Variants in CBX6 observed in about 807,000 individuals in gnomAD.
The protein encoded by CBX6 is chromobox 6, also known as chromobox protein homolog 6.
CBX6 carries 7 observed loss-of-function variants against 28.4 expected under a neutral mutation model. The observed-to-expected ratio is 0.25, with a 90% CI of 0.14 to 0.46. The LOEUF is 0.46. Among genes scored for constraint, CBX6 ranks in the 20% least tolerant of loss-of-function variants. The pLI, the probability that CBX6 is intolerant of heterozygous loss-of-function variation, is 0.99. For missense variants in CBX6, 512 were observed against 606.1 expected (o/e 0.84, Z 1.63); for synonymous variants, 297 against 273.4 (o/e 1.09, Z -0.85).
Position 38,871,551 on chromosome 22 carries a change from G to T in CBX6, c.180-5C>A. The T allele has an allele frequency of 6.2e-7, 1 of 1,613,718 alleles. No individual in the cohort carries two copies. Among genetic ancestry groups the T allele is most frequent in the Non-Finnish European group, 8.5e-7 (1 of 1,179,844 alleles). ...TACAGCTCACGCTCCCTCTCCCTGC[G>T]GCCGAAAAACACCAGAGGTTAAAAA... On this transcript the variant is annotated splice_region_variant and splice_polypyrimidine_tract_variant and intron_variant, in intron 3 of 4. Transcript: ENST00000407418. This position sits in a 1 kb window ranked among gnomAD's most constrained non-coding sequence, Gnocchi z 5.6.
At chr22:38,867,289 G>A in intron 4 of CBX6, 88 bp from the exon 5 acceptor site, 1 of 1,173,780 alleles carries the variant, frequency 8.5e-7, no homozygotes, top group Non-Finnish European at 1.2e-6. Flanking sequence ...CCTAAGTAGA[G>A]CCTCTCAGCC....
rs1272685679 is a variant in CBX6 at position 38,866,288 on chromosome 22, T to C, written c.1160A>G (p.Asn387Ser). The C allele has an allele frequency of 6.2e-7, 1 of 1,613,740 alleles. No homozygotes were observed. The highest frequency in any genetic ancestry group is 8.5e-7 in the Non-Finnish European group (1 of 1,179,980). The change falls in exon 5 of 5, where the codon AAC becomes AGC. Residue 387 changes from asparagine to serine, a missense_variant. By Grantham distance (46) the Asn-to-Ser change is conservative. Transcript: ENST00000407418. This position sits in a 1 kb window ranked among gnomAD's most constrained non-coding sequence, Gnocchi z 7.5. ...AGCCACCTTCTCGAAATCCTCAGGG[T>C]TGCAGAATTCCTTGATTGTGACCGT... is the stretch of plus-strand genomic sequence containing the variant. ...LLTVTIKEFCNPEDFEKVAAG... is the reference protein window; with the variant it reads ...LLTVTIKEFCSPEDFEKVAAG...
At position 38,862,518 on chromosome 22, in the gene CBX6, C is replaced by CAAAAAAAAAAAAAAAAAGAAAAAAAA. The variant is rs2093159472; in HGVS notation, c.*3690_*3691insTTTTTTTTCTTTTTTTTTTTTTTTTT. On this transcript the variant is annotated 3_prime_UTR_variant, in exon 5 of 5. Transcript: ENST00000407418. ...TCCACTGTCCTGTGTGGGCGAAGTG[C>CAAAAAAAAAAAAAAAAAGAAAAAAAA]AAAAAAAAAAAAAAAAAAAAAAAAA... is the stretch of plus-strand genomic sequence containing the variant. 1 of 27,418 alleles carries CAAAAAAAAAAAAAAAAAGAAAAAAAA rather than the reference C, an allele frequency of 3.6e-5. No homozygotes were observed. Among genetic ancestry groups the CAAAAAAAAAAAAAAAAAGAAAAAAAA allele is most frequent in the African/African-American group, 1.8e-4 (1 of 5,464 alleles). The allele number at this position is 27,418 out of a possible 1,614,324, so 1.7% of individuals were successfully genotyped here. A position where few individuals can be genotyped will look rare whatever the true frequency, so the allele number is the denominator to read the frequency against.
chr22:38,867,322 A>G (rs1051276348), intron 4 of CBX6, 121 bp from the exon 5 acceptor site: 14 of 865,418 alleles, frequency 1.6e-5, no homozygotes, highest in East Asian at 2.7e-5. Flanking sequence ...ATCATTTAAG[A>G]TAATCACTGG....
rs763223198 is a variant in CBX6 at position 38,866,631 on chromosome 22, A to T, written c.817T>A (p.Ser273Thr). ...GGCGAGGGGCAGCCGGAGGAGCCAG[A>T]GCTGCGGGCGTCGTAGGGGGCGGCG... ...APAAPYDARS[S>T]GSSGCPSPTP... Residue 273 changes from serine to threonine, a missense_variant, in exon 5 of 5, where the codon TCT becomes ACT. Around this residue, in one of 7 missense-constraint regions of CBX6, gnomAD observed 290 missense variants for 274.1 expected, o/e 1.06. Transcript: ENST00000407418. This position sits in a 1 kb window ranked among gnomAD's most constrained non-coding sequence, Gnocchi z 7.5. 1 of 1,496,410 alleles carries T rather than the reference A, an allele frequency of 6.7e-7. No individual in the cohort carries two copies. The highest frequency in any genetic ancestry group is 2.0e-5 in the Admixed American group (1 of 48,988). 92.7% of individuals were successfully genotyped at this position (1,496,410 alleles called of 1,614,324 possible).
intron 4 of CBX6, 27 bp from the exon 5 acceptor site, chr22:38,867,228 G>GGTGGGGGGGGGGGGC: frequency 1.5e-5 from 8 of 518,796 alleles, no homozygotes; most frequent in East Asian, 1.5e-4. Flanking sequence ...GGGTGGGTGG[G>GGTGGGGGGGGGGGGC]ACCTCAGGAC....
intron 4 of CBX6, among the ~76,000 whole-genome samples, chr22:38,868,817 G>A (rs2093176143): frequency 6.6e-6 from 1 of 152,166 alleles, no homozygotes; most frequent in African/African-American, 2.4e-5. Context: ...CTAGTACCTG[G>A]AGGTAGCCCA....
chr22:38,868,572 G>A (rs1035444084), intron 4 of CBX6, among the ~76,000 whole-genome samples: 3 of 152,228 alleles, frequency 2.0e-5, no homozygotes, highest in Non-Finnish European at 2.9e-5. Context: ...AGGACTGAAA[G>A]CAAGGGCTGG....
In CBX6 at chr22:38,871,331, G is replaced by A; in HGVS notation, c.246+149C>T. ...CCTGCCATCAGGGGCTTCTGGGGGGGCTCACAACCACCCCCTGCCCAGCTG... is the reference window on the plus strand; with the variant it reads ...CCTGCCATCAGGGGCTTCTGGGGGGACTCACAACCACCCCCTGCCCAGCTG... On this transcript the variant is annotated intron_variant, in intron 4 of 4. Coordinates refer to ENST00000407418, the MANE Select transcript of CBX6 (RefSeq NM_014292.5). This position sits in a 1 kb window ranked among gnomAD's most constrained non-coding sequence, Gnocchi z 5.6. 2 of 713,260 alleles carry A rather than the reference G, an allele frequency of 2.8e-6. No homozygotes were observed. The highest frequency in any genetic ancestry group is 2.5e-5 in the Admixed American group (1 of 40,154). 44.2% of individuals were successfully genotyped at this position (713,260 alleles called of 1,614,324 possible). A position where few individuals can be genotyped will look rare whatever the true frequency, so the allele number is the denominator to read the frequency against.
chr22:38,866,881 GC>G lies in CBX6; in HGVS notation c.566del (p.Gly189AlafsTer21). ...KVIDKGAGGG[G>X]AGQGAGALAR... ...CCAGCGCCCCGGCCCCCTGCCCGGCGCCCCCGCCGCCAGCGCCCTTGTCGAT... is the reference window on the plus strand; with the variant it reads ...CCAGCGCCCCGGCCCCCTGCCCGGCGCCCCGCCGCCAGCGCCCTTGTCGAT... On this transcript the variant is annotated frameshift_variant, in exon 5 of 5. Coordinates refer to ENST00000407418, the MANE Select transcript of CBX6 (RefSeq NM_014292.5). LOFTEE classifies it high-confidence loss of function. The surrounding 1 kb of genome is among the most constrained non-coding windows in gnomAD (Gnocchi z 7.5). The G allele has an allele frequency of 6.3e-7, 1 of 1,596,874 alleles. No individual in the cohort carries two copies.
chr22:38,871,597 C>T lies in CBX6; in HGVS notation c.180-51G>A. 1 of 1,612,608 alleles carries T rather than the reference C, an allele frequency of 6.2e-7. No individual in the cohort carries two copies. The highest frequency in any genetic ancestry group is 8.5e-7 in the Non-Finnish European group (1 of 1,179,016). On this transcript the variant is annotated intron_variant, in intron 3 of 4. Coordinates refer to ENST00000407418, the MANE Select transcript of CBX6 (RefSeq NM_014292.5). This position sits in a 1 kb window ranked among gnomAD's most constrained non-coding sequence, Gnocchi z 5.6. ...AAAAAGAGCCCCTTCCCGGGCCCCA[C>T]TCCGCGCTGCCCTCCCCGGCTCTCC...
Position 38,867,176 on chromosome 22 carries a change from C to G in CBX6, c.272G>C (p.Arg91Pro). ...LKARAQAEAL[R>P]ISDVHFSVKP... ...GACAGAGAAATGCACATCACTGATG[C>G]GGAGGGCCTCGGCCTGGGCCCGCGC... Residue 91 changes from arginine to proline, a missense_variant, in exon 5 of 5, where the codon CGC (arginine) becomes CCC (proline). This residue lies in a region of CBX6 where 123 missense variants were observed against 138.1 expected (regional missense o/e 0.89). Coordinates refer to ENST00000407418, the MANE Select transcript of CBX6 (RefSeq NM_014292.5). 5 of 1,215,434 alleles carry G rather than the reference C, an allele frequency of 4.1e-6. No homozygotes were observed. Among genetic ancestry groups the G allele is most frequent in the South Asian group, 1.3e-5 (1 of 79,084 alleles). The allele number at this position is 1,215,434 out of a possible 1,614,324, so 75.3% of individuals were successfully genotyped here.
chr22:38,865,981 A>G lies in CBX6; in HGVS notation c.*228T>C. 1 of 570,506 alleles carries G rather than the reference A, an allele frequency of 1.8e-6. No individual in the cohort carries two copies. The highest frequency in any genetic ancestry group is 3.1e-6 in the Non-Finnish European group (1 of 322,310). The allele number at this position is 570,506 out of a possible 1,614,324, so 35.3% of individuals were successfully genotyped here. ...CTTTCCAGAAACCACCCAGTGGGCTACCATGCATGGGCAGGGGGTGTGCCC... is the reference window on the plus strand; with the variant it reads ...CTTTCCAGAAACCACCCAGTGGGCTGCCATGCATGGGCAGGGGGTGTGCCC... On this transcript the variant is annotated 3_prime_UTR_variant, in exon 5 of 5. Coordinates refer to ENST00000407418, the MANE Select transcript of CBX6 (RefSeq NM_014292.5).
rs2093178862 is a variant in CBX6 at position 38,870,125 on chromosome 22, T to G, written c.246+1355A>C. ...TCTGCCTTCCCCCTTTAACCTGACA[T>G]GGACTACTCAAGGCACAAGATGAAG... On this transcript the variant is annotated intron_variant, in intron 4 of 4. Coordinates refer to ENST00000407418, the MANE Select transcript of CBX6 (RefSeq NM_014292.5). The surrounding 1 kb of genome is among the most constrained non-coding windows in gnomAD (Gnocchi z 4.3). The G allele has an allele frequency of 6.6e-6, 1 of 152,176 alleles. No homozygotes were observed. Among genetic ancestry groups the G allele is most frequent in the Admixed American group, 6.5e-5 (1 of 15,280 alleles). 9.4% of individuals were successfully genotyped at this position (152,176 alleles called of 1,614,324 possible).
Position 38,872,169 on chromosome 22 carries a change from C to A in CBX6, c.22G>T (p.Glu8Ter). Reference protein sequence around the residue: MELSAVGERVFAAESIIK... With the variant: MELSAVG ...ATGGATTCGGCCGCGAAGACCCGCTCGCCCACTGCAGACAGCTCCATCTTG... is the reference window on the plus strand; with the variant it reads ...ATGGATTCGGCCGCGAAGACCCGCTAGCCCACTGCAGACAGCTCCATCTTG... Residue 8 changes from glutamate to a stop codon, truncating the protein, a stop_gained, in exon 1 of 5, where the codon GAG (glutamate) becomes TAG (stop). Transcript: ENST00000407418. LOFTEE classifies it high-confidence loss of function. This position sits in a 1 kb window ranked among gnomAD's most constrained non-coding sequence, Gnocchi z 5.0. The A allele has an allele frequency of 7.1e-7, 1 of 1,418,026 alleles. No homozygotes were observed. The allele number at this position is 1,418,026 out of a possible 1,614,324, so 87.8% of individuals were successfully genotyped here.
Position 38,866,644 on chromosome 22 carries a change from G to A in CBX6, c.804C>T (p.Tyr268=), listed in dbSNP as rs997852335. Residue 268 remains tyrosine, a synonymous_variant, in exon 5 of 5, where the codon TAC becomes TAT. Transcript: ENST00000407418. This position sits in a 1 kb window ranked among gnomAD's most constrained non-coding sequence, Gnocchi z 7.5. The stretch of plus-strand genomic sequence containing the variant: ...CGGAGGAGCCAGAGCTGCGGGCGTC[G>A]TAGGGGGCGGCGGGGGCGGCCAGAA... ...GLLLAAPAAP[Y]DARSSGSSGC... 2.6e-6 allele frequency: 4 copies of A among 1,529,116 alleles called. No homozygotes were observed. The highest frequency in any genetic ancestry group is 3.5e-6 in the Non-Finnish European group (4 of 1,143,102). The allele number at this position is 1,529,116 out of a possible 1,614,324, so 94.7% of individuals were successfully genotyped here. A position where few individuals can be genotyped will look rare whatever the true frequency, so the allele number is the denominator to read the frequency against.
At position 38,866,633 on chromosome 22, in the gene CBX6, C is replaced by G. The variant is rs1196516569; in HGVS notation, c.815G>C (p.Ser272Thr). 2.1e-6 allele frequency: 3 copies of G among 1,399,084 alleles called. No homozygotes were observed. The highest frequency in any genetic ancestry group is 2.8e-6 in the Non-Finnish European group (3 of 1,068,074). 86.7% of individuals were successfully genotyped at this position (1,399,084 alleles called of 1,614,324 possible). A position where few individuals can be genotyped will look rare whatever the true frequency, so the allele number is the denominator to read the frequency against. The change falls in exon 5 of 5, where the codon AGC (serine) becomes ACC (threonine). Residue 272 changes from serine to threonine, a missense_variant. Physicochemically the swap from Ser to Thr is moderately conservative, Grantham distance 58. Around this residue, in one of 7 missense-constraint regions of CBX6, gnomAD observed 290 missense variants for 274.1 expected, o/e 1.06. Coordinates refer to ENST00000407418, the MANE Select transcript of CBX6 (RefSeq NM_014292.5). This position sits in a 1 kb window ranked among gnomAD's most constrained non-coding sequence, Gnocchi z 7.5. ...AAPAAPYDAR[S>T]SGSSGCPSPT... ...CGAGGGGCAGCCGGAGGAGCCAGAG[C>G]TGCGGGCGTCGTAGGGGGCGGCGGG...
At chr22:38,868,519 CT>C (rs1365883159) in intron 4 of CBX6, among the ~76,000 whole-genome samples, 3 of 152,218 alleles carry the variant, frequency 2.0e-5, no homozygotes, top group Non-Finnish European at 2.9e-5. Context: ...AGAGAGTCCT[CT>C]GGGCAAGATC....
In CBX6 at chr22:38,865,982, C is replaced by T. The variant is rs1279240306; in HGVS notation, c.*227G>A. 2 of 573,336 alleles carry T rather than the reference C, an allele frequency of 3.5e-6. No homozygotes were observed. Among genetic ancestry groups the T allele is most frequent in the Non-Finnish European group, 6.2e-6 (2 of 324,048 alleles). 35.5% of individuals were successfully genotyped at this position (573,336 alleles called of 1,614,324 possible). On this transcript the variant is annotated 3_prime_UTR_variant, in exon 5 of 5. Coordinates refer to ENST00000407418, the MANE Select transcript of CBX6 (RefSeq NM_014292.5). ...TTTCCAGAAACCACCCAGTGGGCTACCATGCATGGGCAGGGGGTGTGCCCT... is the reference window on the plus strand; with the variant it reads ...TTTCCAGAAACCACCCAGTGGGCTATCATGCATGGGCAGGGGGTGTGCCCT...
Sources: gnomAD v4.1 joint callset for allele counts (sites outside exome capture counted in the v4.1 genomes callset) on GRCh38, gnomAD v4.1.1 for gene constraint, gnomAD v4.1.1 regional missense constraint, Gnocchi (gnomAD v3.1) non-coding constraint, MANE v1.5 for transcripts, NCBI Gene and HGNC (gene_info 2026-07-23, HGNC 2026-07-21) for gene names.